SLC35F3: variants seen among roughly 807,000 people sequenced by gnomAD.
The protein encoded by SLC35F3 is solute carrier family 35 member F3.
In SLC35F3, 25 loss-of-function variants were observed where a neutral mutation model predicts 49.9. That is an observed-to-expected ratio of 0.50 (90% CI 0.37 to 0.70). The LOEUF is 0.70. SLC35F3 is among the 30% of genes least tolerant of loss of function. The pLI, the probability that SLC35F3 is intolerant of heterozygous loss-of-function variation, is 0.00. For missense variants in SLC35F3, 525 were observed against 639.8 expected (o/e 0.82, Z 1.94); for synonymous variants, 275 against 265.4 (o/e 1.04, Z -0.35).
At chr1:233,961,369 G>A (rs1558190204) in intron 2 of SLC35F3, among the ~76,000 whole-genome samples, 1 of 151,468 alleles carries the variant, frequency 6.6e-6, no homozygotes. Flanking sequence ...AGAGCTGCTT[G>A]AGAGATCTTT....
intron 2 of SLC35F3, among the ~76,000 whole-genome samples, chr1:233,958,563 G>T (rs922571619): frequency 9.9e-5 from 15 of 152,220 alleles, no homozygotes; most frequent in Admixed American, 9.8e-4. Context: ...TTCCAACTAA[G>T]AAATTTTATG....
rs191918448 is a variant in SLC35F3 at position 234,302,174 on chromosome 1, T to C, written c.609-6927T>C. 5.6e-3 allele frequency among the ~76,000 whole-genome samples: 855 copies of C among 151,962 alleles called. 10 individuals carry two copies. Among genetic ancestry groups the C allele is most frequent in the African/African-American group, 0.018 (739 of 41,450 alleles). On this transcript the variant is annotated intron_variant, in intron 3 of 7. Transcript: ENST00000366618. ...CTGGGTTGTTGTTGTTGTTGTTTTT[T>C]TTAAGAAGAAATTAAAAGAAAAAAG...
intron 2 of SLC35F3, among the ~76,000 whole-genome samples, chr1:234,093,197 A>G (rs1246171736): frequency 6.6e-6 from 1 of 152,218 alleles, no homozygotes; most frequent in East Asian, 1.9e-4. Context: ...GACAATATTA[A>G]TTACACTCAC....
rs144472232 is a variant in SLC35F3 at position 233,924,641 on chromosome 1, G to T, written c.283+18883G>T. Among the ~76,000 whole-genome samples the T allele has an allele frequency of 6.0e-3, 906 of 152,178 alleles. 9 individuals are homozygous for T. Among genetic ancestry groups the T allele is most frequent in the African/African-American group, 0.02 (846 of 41,498 alleles). ...TTGTTTCTCTATCTCCTTCAGTTCT[G>T]CTCTGATCTTAGTTATTTCTTGCCT... On this transcript the variant is annotated intron_variant, in intron 2 of 7. Coordinates refer to ENST00000366618, the MANE Select transcript of SLC35F3 (RefSeq NM_173508.4).
intron 2 of SLC35F3, among the ~76,000 whole-genome samples, chr1:234,108,219 A>AAAAGATATATATATTTATATATAT: frequency 7.6e-6 from 1 of 130,800 alleles, no homozygotes; most frequent in Admixed American, 9.0e-5. Context: ...TTATATATAT[A>AAAAGATATATATATTTATATATAT]AAAGATATAT....
intron 3 of SLC35F3, among the ~76,000 whole-genome samples, chr1:234,244,422 T>G (rs1442510624): frequency 1.3e-5 from 2 of 152,034 alleles, no homozygotes; most frequent in Non-Finnish European, 2.9e-5. Flanking sequence ...GTGATATCAA[T>G]ATCATGTTCA....
intron 2 of SLC35F3, among the ~76,000 whole-genome samples, chr1:234,013,689 G>C (rs1663758988): frequency 6.6e-6 from 1 of 152,004 alleles, no homozygotes; most frequent in Non-Finnish European, 1.5e-5. Flanking sequence ...AGGATTCTAA[G>C]AGATTACTAT....
At chr1:234,298,139 G>C (rs1668634058) in intron 3 of SLC35F3, among the ~76,000 whole-genome samples, 1 of 152,038 alleles carries the variant, frequency 6.6e-6, no homozygotes, top group African/African-American at 2.4e-5. Context: ...AATAAAGACA[G>C]GTTTTTTTTG....
chr1:234,168,264 G>A (rs894989905), intron 2 of SLC35F3, among the ~76,000 whole-genome samples: 31 of 152,192 alleles, frequency 2.0e-4, no homozygotes, highest in Non-Finnish European at 4.0e-4. Flanking sequence ...TGCCACATGC[G>A]TGGCACTGAG....
chr1:234,214,154 C>CG lies in SLC35F3; in HGVS notation c.284-17259dup, dbSNP rs987373603. 7.6e-6 allele frequency: 8 copies of CG among 1,052,074 alleles called. No homozygotes were observed. In the African/African-American group the frequency reaches 1.4e-4, roughly 18 times the overall value. 65.2% of individuals were successfully genotyped at this position (1,052,074 alleles called of 1,614,324 possible). On this transcript the variant is annotated intron_variant, in intron 2 of 7. Transcript: ENST00000366618. This position sits in a 1 kb window ranked among gnomAD's most constrained non-coding sequence, Gnocchi z 8.0. The stretch of plus-strand genomic sequence containing the variant: ...ATGAGGGCTGCGGGGCTGGGCGTCC[C>CG]GGGGAGGAGGGCGGAGCAGGTGAGC...
chr1:234,302,549 C>CTTGT (rs1331636364), intron 3 of SLC35F3, among the ~76,000 whole-genome samples: 3 of 151,996 alleles, frequency 2.0e-5, no homozygotes, highest in Non-Finnish European at 2.9e-5. Flanking sequence ...GGGTGAGAGG[C>CTTGT]TTGTTTTTGT....
At chr1:234,144,161 T>A (rs1665962783) in intron 2 of SLC35F3, among the ~76,000 whole-genome samples, 1 of 152,230 alleles carries the variant, frequency 6.6e-6, no homozygotes, top group Non-Finnish European at 1.5e-5. Context: ...AATGAAGCTA[T>A]AAGCTTCCTG....
intron 2 of SLC35F3, among the ~76,000 whole-genome samples, chr1:234,211,925 A>G (rs1365392975): frequency 6.6e-6 from 1 of 152,164 alleles, no homozygotes; most frequent in Non-Finnish European, 1.5e-5. Flanking sequence ...TTGAATTCCC[A>G]TATGTTGTGG....
chr1:234,152,526 C>T lies in SLC35F3; in HGVS notation c.284-78891C>T, dbSNP rs1558243762. ...GCTTGCTGAGAATGATGGTTTCCAG[C>T]TTCATCCATGTCCCTGCAAAGGACA... On this transcript the variant is annotated intron_variant, in intron 2 of 7. Transcript: ENST00000366618. 2.6e-5 allele frequency among the ~76,000 whole-genome samples: 4 copies of T among 152,208 alleles called. No homozygotes were observed. In the South Asian group the frequency reaches 6.2e-4, roughly 24 times the overall value.
intron 2 of SLC35F3, among the ~76,000 whole-genome samples, chr1:234,203,174 C>T (rs1666924172): frequency 3.3e-5 from 5 of 152,126 alleles, no homozygotes; most frequent in Admixed American, 3.3e-4. Context: ...TGGGAGTGAT[C>T]ATTTACTTTT....
chr1:233,981,526 G>A (rs1215750985), intron 2 of SLC35F3, among the ~76,000 whole-genome samples: 4 of 152,192 alleles, frequency 2.6e-5, no homozygotes, highest in Admixed American at 2.0e-4. Context: ...ATTCAACAGC[G>A]TGGATGTGTC....
intron 3 of SLC35F3, chr1:234,272,571 A>T (rs1668124989): frequency 6.6e-6 from 1 of 152,296 alleles, no homozygotes; most frequent in Non-Finnish European, 1.5e-5. Context: ...CGAGAGATGG[A>T]TGAGGACTTG....
intron 2 of SLC35F3, among the ~76,000 whole-genome samples, chr1:234,122,697 T>C (rs1206795166): frequency 1.3e-5 from 2 of 152,280 alleles, no homozygotes; most frequent in East Asian, 3.9e-4. Context: ...TCAGCTCCCA[T>C]TTATGAGAAC....
At chr1:234,055,295 T>C (rs1664441034) in intron 2 of SLC35F3, among the ~76,000 whole-genome samples, 1 of 152,136 alleles carries the variant, frequency 6.6e-6, no homozygotes. Context: ...TGAGCTGCAG[T>C]GGGCTCCACT....
Sources: gnomAD v4.1 joint callset for allele counts (sites outside exome capture counted in the v4.1 genomes callset) on GRCh38, gnomAD v4.1.1 for gene constraint, Gnocchi (gnomAD v3.1) non-coding constraint, MANE v1.5 for transcripts, NCBI Gene and HGNC (gene_info 2026-07-23, HGNC 2026-07-21) for gene names.